Variants in MAGI2 observed in about 807,000 individuals in gnomAD.
MAGI2 encodes membrane-associated guanylate kinase, WW and PDZ domain-containing protein 2.
In MAGI2, 35 loss-of-function variants were observed where a neutral mutation model predicts 133.3. The observed-to-expected ratio is 0.26, with a 90% CI of 0.20 to 0.35. MAGI2 has a LOEUF of 0.35. Among genes scored for constraint, MAGI2 ranks in the 10% least tolerant of loss-of-function variants. MAGI2 has a pLI of 1.00. For missense variants in MAGI2, 1,636 were observed against 1,863.4 expected, an observed-to-expected ratio of 0.88 and a Z score of 2.25; for synonymous variants, 729 against 710.6, an observed-to-expected ratio of 1.03 and a Z score of -0.41.
At chr7:78,275,994 T>A (rs904845314) in intron 9 of MAGI2, among the ~76,000 whole-genome samples, 4 of 152,192 alleles carry the variant, frequency 2.6e-5, no homozygotes, top group African/African-American at 9.6e-5. Context: ...TGAGGCCATG[T>A]GATTATTACC....
intron 2 of MAGI2, among the ~76,000 whole-genome samples, chr7:78,857,307 G>A (rs987299536): frequency 2.6e-5 from 4 of 152,124 alleles, no homozygotes; most frequent in Admixed American, 2.6e-4. Flanking sequence ...GGAGTGGTGA[G>A]AGAGGGCATC....
At chr7:79,360,345 GA>G (rs1408388054) in intron 1 of MAGI2, among the ~76,000 whole-genome samples, 12 of 151,918 alleles carry the variant, frequency 7.9e-5, no homozygotes, top group African/African-American at 2.9e-4. Context: ...CTATTCTTGG[GA>G]CAAACAAAAA....
Position 79,338,833 on chromosome 7 carries a change from C to T in MAGI2, c.301+114187G>A, listed in dbSNP as rs539948596. 5.9e-5 allele frequency among the ~76,000 whole-genome samples: 9 copies of T among 152,152 alleles called. No individual in the cohort carries two copies. The East Asian group carries it at 1.7e-3, about 29-fold the overall frequency. The stretch of plus-strand genomic sequence containing the variant: ...GCCACACCTTGAGAGAGAAGACTTC[C>T]CTGTCAACCTACGGGGGGTACTCCC... On this transcript the variant is annotated intron_variant, in intron 1 of 21. Transcript: ENST00000354212.
chr7:78,387,279 T>C (rs1795472697), intron 6 of MAGI2, among the ~76,000 whole-genome samples: 1 of 152,126 alleles, frequency 6.6e-6, no homozygotes, highest in Non-Finnish European at 1.5e-5. Flanking sequence ...GTGAAGTCTT[T>C]ACAACTCTAG....
chr7:79,155,300 C>A (rs1201045089), intron 1 of MAGI2, among the ~76,000 whole-genome samples: 1 of 152,098 alleles, frequency 6.6e-6, no homozygotes, highest in Non-Finnish European at 1.5e-5. Flanking sequence ...TTCATGTACT[C>A]ATCCAAGTAT....
rs1174157220 is a variant in MAGI2, at chr7:79,183,319, CAT to C, written c.302-176115_302-176114del. ...CGAAATTTCTCATGGACCCCATAAACATATGTAAAAATATAAAAAATACATTT... is the reference window on the plus strand; with the variant it reads ...CGAAATTTCTCATGGACCCCATAAACATGTAAAAATATAAAAAATACATTT... On this transcript the variant is annotated intron_variant, in intron 1 of 21. Coordinates refer to ENST00000354212, the MANE Select transcript of MAGI2 (RefSeq NM_012301.4). Among the ~76,000 whole-genome samples, 5 of 151,554 alleles carry C rather than the reference CAT, an allele frequency of 3.3e-5. No individual in the cohort carries two copies. In the East Asian group the frequency reaches 7.7e-4, roughly 23 times the overall value.
At position 78,078,995 on chromosome 7, in the gene MAGI2, G is replaced by A; in HGVS notation, c.3658C>T (p.Arg1220Ter). Residue 1220 changes from arginine to a stop codon, truncating the protein, a stop_gained, in exon 21 of 22, where the codon CGA becomes TGA. Transcript: ENST00000354212. LOFTEE classifies it high-confidence loss of function. ...AIELIKSGGR[R>*]VRLLLKRGTG... The stretch of plus-strand genomic sequence containing the variant: ...CCTCTCTTGAGCAGCAGCCTCACTC[G>A]TCTTCCTCCAGATTTGATGAGTTCT... 1.2e-6 allele frequency: 2 copies of A among 1,613,706 alleles called. No homozygotes were observed. Among genetic ancestry groups the A allele is most frequent in the South Asian group, 1.1e-5 (1 of 90,976 alleles).
In MAGI2 at chr7:78,168,034, C is replaced by A. The variant is rs1370592426; in HGVS notation, c.2478G>T (p.Val826=). ...CGGCTACTGGAATCCCATCAACATACACAAGCTCATCTCCTGGGTGAAGGC... is the reference window on the plus strand; with the variant it reads ...CGGCTACTGGAATCCCATCAACATAAACAAGCTCATCTCCTGGGTGAAGGC... ...DGRLHPGDEL[V]YVDGIPVAGK... Residue 826 remains valine, a synonymous_variant, in exon 15 of 22, where the codon GTG becomes GTT. Coordinates refer to ENST00000354212, the MANE Select transcript of MAGI2 (RefSeq NM_012301.4). 1 of 1,614,204 alleles carries A rather than the reference C, an allele frequency of 6.2e-7. No homozygotes were observed. Among genetic ancestry groups the A allele is most frequent in the Admixed American group, 1.7e-5 (1 of 60,022 alleles).
At chr7:78,190,912 G>A (rs925021817) in intron 12 of MAGI2, among the ~76,000 whole-genome samples, 3 of 152,152 alleles carry the variant, frequency 2.0e-5, no homozygotes, top group Non-Finnish European at 4.4e-5. Context: ...ACTATGGAAA[G>A]GTATTTTCTT....
intron 3 of MAGI2, among the ~76,000 whole-genome samples, chr7:78,576,316 T>G (rs1435324311): frequency 6.6e-6 from 1 of 152,202 alleles, no homozygotes; most frequent in Non-Finnish European, 1.5e-5. Flanking sequence ...TATTGTGACA[T>G]GCACAATCTA....
At chr7:79,122,504 C>T (rs1156443859) in intron 1 of MAGI2, among the ~76,000 whole-genome samples, 1 of 152,172 alleles carries the variant, frequency 6.6e-6, no homozygotes, top group Non-Finnish European at 1.5e-5. Context: ...TTACGCTTTT[C>T]AGTTGATACA....
At chr7:79,317,002 T>A (rs1301983363) in intron 1 of MAGI2, among the ~76,000 whole-genome samples, 1 of 141,538 alleles carries the variant, frequency 7.1e-6, no homozygotes. Flanking sequence ...AAATGTAGGG[T>A]TTTTTTTTTT....
intron 2 of MAGI2, among the ~76,000 whole-genome samples, chr7:78,751,012 G>C (rs1563453021): frequency 6.6e-6 from 1 of 152,116 alleles, no homozygotes; most frequent in East Asian, 1.9e-4. Flanking sequence ...TCTCTAGACA[G>C]AACACAGACA....
At chr7:79,125,893 T>C in intron 1 of MAGI2, 1 of 425,862 alleles carries the variant, frequency 2.3e-6, no homozygotes, top group East Asian at 6.9e-5. Context: ...TTACAAAGGA[T>C]TTATGGGGTC....
chr7:78,802,612 A>T (rs1371824224), intron 2 of MAGI2, among the ~76,000 whole-genome samples: 1 of 152,192 alleles, frequency 6.6e-6, no homozygotes, highest in African/African-American at 2.4e-5. Context: ...GTATAGTACT[A>T]CTATATAATG....
chr7:78,326,623 T>C (rs1356369965), intron 9 of MAGI2, among the ~76,000 whole-genome samples: 6 of 152,200 alleles, frequency 3.9e-5, no homozygotes, highest in Non-Finnish European at 8.8e-5. Context: ...CTTCTGTTTG[T>C]TTCAGAACGA....
chr7:78,262,484 C>G (rs1793608268), intron 9 of MAGI2, among the ~76,000 whole-genome samples: 1 of 152,096 alleles, frequency 6.6e-6, no homozygotes, highest in Non-Finnish European at 1.5e-5. Flanking sequence ...GTCCTTTTCA[C>G]CTAACATCCT....
intron 20 of MAGI2, among the ~76,000 whole-genome samples, chr7:78,111,219 C>G (rs963900494): frequency 6.6e-6 from 1 of 152,082 alleles, no homozygotes; most frequent in African/African-American, 2.4e-5. Context: ...ATGATACAAC[C>G]CTTCTCCTCA....
chr7:78,065,125 C>T (rs1294096615), intron 21 of MAGI2, among the ~76,000 whole-genome samples: 7 of 152,008 alleles, frequency 4.6e-5, no homozygotes, highest in Non-Finnish European at 2.9e-5. Context: ...ACCCATGATG[C>T]CAGGTGGAGT....
Sources: allele counts gnomAD v4.1 joint callset (sites outside exome capture counted in the v4.1 genomes callset), GRCh38; gene constraint gnomAD v4.1.1; transcripts MANE v1.5; gene names NCBI Gene and HGNC (gene_info 2026-07-23, HGNC 2026-07-21).